PDE10A: variants seen among roughly 807,000 people sequenced by gnomAD.
The protein encoded by PDE10A is cAMP and cAMP-inhibited cGMP 3',5'-cyclic phosphodiesterase 10A.
PDE10A carries 39 observed loss-of-function variants against 97.7 expected under a neutral mutation model. That is an observed-to-expected ratio of 0.40 (90% confidence interval 0.31 to 0.52). The LOEUF (loss-of-function observed/expected upper bound fraction) is 0.52, where lower values mean the gene tolerates loss of function less well. Ranked by LOEUF, PDE10A falls within the 20% of genes least tolerant of loss-of-function variation. PDE10A has a pLI of 0.56. For missense variants in PDE10A, 731 were observed against 1,047.8 expected, an observed-to-expected ratio of 0.70 and a Z score of 4.17; for synonymous variants, 371 against 376.8, an observed-to-expected ratio of 0.98 and a Z score of 0.18.
intron 5 of PDE10A, among the ~76,000 whole-genome samples, chr6:165,444,824 C>A (rs968642636): frequency 2.6e-5 from 4 of 152,004 alleles, no homozygotes; most frequent in African/African-American, 9.7e-5. Flanking sequence ...CTCATTACAT[C>A]AATTTCAGAA....
At chr6:165,334,829 A>G (rs909998901) in intron 21 of PDE10A, among the ~76,000 whole-genome samples, 7 of 152,162 alleles carry the variant, frequency 4.6e-5, no homozygotes, top group Admixed American at 3.3e-4. Context: ...CGTTTCTTAA[A>G]TATTATATAT....
At chr6:165,945,947 A>G (rs184530681) in intron 1 of PDE10A, among the ~76,000 whole-genome samples, 2 of 152,314 alleles carry the variant, frequency 1.3e-5, no homozygotes, top group East Asian at 3.9e-4. Flanking sequence ...ATAATGTGCT[A>G]TTTTTACATT....
rs1188614931 is a variant in PDE10A, at chr6:165,819,267, C to T, written c.-615+168262G>A. On this transcript the variant is annotated intron_variant, in intron 1 of 19. Coordinates refer to the PDE10A transcript ENST00000366882. The surrounding 1 kb of genome is among the most constrained non-coding windows in gnomAD (Gnocchi z 4.2). Reference sequence around the variant, plus strand: ...GATGATTTTTGACTCCTGCCCTCTCCGTCCACACGTCAGCAGTTGCCCAGC... The same window carrying T: ...GATGATTTTTGACTCCTGCCCTCTCTGTCCACACGTCAGCAGTTGCCCAGC... Among the ~76,000 whole-genome samples, 2 of 152,210 alleles carry T rather than the reference C, an allele frequency of 1.3e-5. No individual in the cohort carries two copies. The highest frequency in any genetic ancestry group is 2.4e-5 in the African/African-American group (1 of 41,454).
chr6:165,826,878 TGA>T (rs1291384137), intron 1 of PDE10A, among the ~76,000 whole-genome samples: 3 of 142,208 alleles, frequency 2.1e-5, no homozygotes, highest in Admixed American at 2.1e-4. Flanking sequence ...AGGGGCACAG[TGA>T]GAGAGAGGAC....
intron 1 of PDE10A, among the ~76,000 whole-genome samples, chr6:165,758,480 A>G (rs1793168881): frequency 8.6e-6 from 1 of 115,704 alleles, no homozygotes; most frequent in Admixed American, 1.1e-4. Context: ...AGAAGAAAGA[A>G]GAAAGGAGAA....
intron 1 of PDE10A, among the ~76,000 whole-genome samples, chr6:165,916,921 C>T (rs909335274): frequency 1.3e-5 from 2 of 152,118 alleles, no homozygotes; most frequent in Non-Finnish European, 2.9e-5. Flanking sequence ...TCGCCCAGAC[C>T]CCATGCCAAT....
At chr6:165,377,166 T>C (rs1784655892) in intron 18 of PDE10A, among the ~76,000 whole-genome samples, 1 of 152,178 alleles carries the variant, frequency 6.6e-6, no homozygotes, top group Non-Finnish European at 1.5e-5. Flanking sequence ...ACAACTTTTA[T>C]ATGCACTGGG....
chr6:165,714,934 C>T (rs556428839), intron 1 of PDE10A, among the ~76,000 whole-genome samples: 19 of 91,964 alleles, frequency 2.1e-4, no homozygotes, highest in African/African-American at 1.4e-3. Flanking sequence ...AGTAGAACCC[C>T]CTCAGTGGGT....
rs984762181 is a variant in PDE10A at position 165,561,394 on chromosome 6, T to C, written c.866-17826A>G. ...GTCAATTAAACCTCTTCTTCATAAA[T>C]TACCCAGTCTCAGGTAGTTCTTTAC... On this transcript the variant is annotated intron_variant, in intron 1 of 21. Coordinates refer to ENST00000539869, the MANE Select transcript of PDE10A (RefSeq NM_001385079.1). Among the ~76,000 whole-genome samples, 24 of 152,234 alleles carry C rather than the reference T, an allele frequency of 1.6e-4. No individual in the cohort carries two copies. The East Asian group carries it at 4.3e-3, about 27-fold the overall frequency.
chr6:165,349,872 C>A (rs1782582574), intron 18 of PDE10A, among the ~76,000 whole-genome samples: 1 of 152,160 alleles, frequency 6.6e-6, no homozygotes, highest in African/African-American at 2.4e-5. Flanking sequence ...GGTGTTGGGC[C>A]TGAGGGTACA....
intron 1 of PDE10A, among the ~76,000 whole-genome samples, chr6:165,802,029 A>C (rs1778999678): frequency 6.6e-6 from 1 of 152,178 alleles, no homozygotes; most frequent in African/African-American, 2.4e-5. Flanking sequence ...GGACAGATGG[A>C]TGCAGCTGAT....
intron 1 of PDE10A, among the ~76,000 whole-genome samples, chr6:165,712,789 G>A (rs1791932376): frequency 3.3e-5 from 5 of 151,770 alleles, no homozygotes; most frequent in Admixed American, 3.3e-4. Context: ...ACAGGCGCCC[G>A]CCACCACGCC....
intron 1 of PDE10A, among the ~76,000 whole-genome samples, chr6:165,974,989 G>A (rs1053886799): frequency 6.6e-6 from 1 of 152,192 alleles, no homozygotes; most frequent in African/African-American, 2.4e-5. Context: ...TTTCCTGGCT[G>A]CGCAGGGATT....
At chr6:165,622,096 C>G (rs902329140) in intron 1 of PDE10A, among the ~76,000 whole-genome samples, 1 of 152,108 alleles carries the variant, frequency 6.6e-6, no homozygotes, top group African/African-American at 2.4e-5. Context: ...CTCCTCAAGA[C>G]TGAAACACGG....
chr6:165,636,602 G>A (rs938486035), intron 1 of PDE10A, among the ~76,000 whole-genome samples: 4 of 152,180 alleles, frequency 2.6e-5, no homozygotes, highest in African/African-American at 9.7e-5. Context: ...AACAGCTGCT[G>A]TCTGTTCCCC....
intron 2 of PDE10A, among the ~76,000 whole-genome samples, chr6:165,497,366 C>T (rs503745): frequency 0.32 from 48,176 of 152,058 alleles, 9,276 homozygotes; most frequent in African/African-American, 0.55. Context: ...GTGAACTGCA[C>T]GTGTTCTTCT....
At chr6:165,764,712 C>G (rs1777767432) in intron 1 of PDE10A, among the ~76,000 whole-genome samples, 1 of 152,156 alleles carries the variant, frequency 6.6e-6, no homozygotes, top group African/African-American at 2.4e-5. Context: ...TGCAGACCTT[C>G]CCGGTGAGTG....
intron 13 of PDE10A, among the ~76,000 whole-genome samples, chr6:165,410,881 G>T (rs1169034172): frequency 7.1e-6 from 1 of 141,302 alleles, no homozygotes; most frequent in African/African-American, 2.7e-5. Flanking sequence ...GAGGTCAGGA[G>T]ATCGAGACCA....
chr6:165,960,609 G>T (rs753669344), intron 1 of PDE10A, among the ~76,000 whole-genome samples: 2 of 152,200 alleles, frequency 1.3e-5, no homozygotes, highest in Non-Finnish European at 2.9e-5. Flanking sequence ...AGCTAGAAAG[G>T]GTTGTAGAAT....
Sources: gnomAD v4.1 joint callset for allele counts (sites outside exome capture counted in the v4.1 genomes callset) on GRCh38, gnomAD v4.1.1 for gene constraint, Gnocchi (gnomAD v3.1) non-coding constraint, MANE v1.5 for transcripts, NCBI Gene and HGNC (gene_info 2026-07-23, HGNC 2026-07-21) for gene names.